Variants in PRDM2 observed in about 807,000 individuals in gnomAD.
The protein encoded by PRDM2 is PR domain zinc finger protein 2.
Under a neutral mutation model 130.0 loss-of-function variants are expected in PRDM2, and 30 were observed. The ratio of observed to expected loss-of-function variants is 0.23; its 90% CI spans 0.17 to 0.31. The LOEUF (loss-of-function observed/expected upper bound fraction) is 0.31. Ranked by LOEUF, PRDM2 falls within the 10% of genes least tolerant of loss-of-function variation. PRDM2 has a pLI of 1.00. For synonymous variants in PRDM2, 871 were observed against 782.4 expected (o/e 1.11, Z -1.89); for missense variants, 2,011 against 2,108.4 (o/e 0.95, Z 0.90).
Position 13,782,221 on chromosome 1 carries a change from T to G in PRDM2, c.4426T>G (p.Phe1476Val). The G allele has an allele frequency of 6.2e-7, 1 of 1,613,674 alleles. No homozygotes were observed. Among genetic ancestry groups the G allele is most frequent in the Non-Finnish European group, 8.5e-7 (1 of 1,179,954 alleles). Residue 1476 changes from phenylalanine to valine, a missense_variant, in exon 8 of 10, where the codon TTC becomes GTC. Phe to Val is a conservative substitution (Grantham distance 50). Around this residue, in one of 5 missense-constraint regions of PRDM2, gnomAD observed 410 missense variants for 395.9 expected, o/e 1.04. Transcript: ENST00000311066. ...TGGAAGCCTGAATAAACACGCCGCC[T>G]TCAGCTGTCCCAAAAAACCCCTTTC... ...YIGSLNKHAAFSCPKKPLSPP... is the reference protein window; with the variant it reads ...YIGSLNKHAAVSCPKKPLSPP...
chr1:13,752,183 GACTC>G (rs903210036), intron 6 of PRDM2, among the ~76,000 whole-genome samples: 1 of 152,204 alleles, frequency 6.6e-6, no homozygotes, highest in Admixed American at 6.5e-5. Flanking sequence ...GATTGGCAAT[GACTC>G]ACACAAATGT....
intron 8 of PRDM2, among the ~76,000 whole-genome samples, chr1:13,789,232 A>T (rs983526243): frequency 6.6e-6 from 1 of 152,210 alleles, no homozygotes; most frequent in African/African-American, 2.4e-5. Context: ...AGCTAATTAG[A>T]GCCTTCCATC....
At chr1:13,705,838 C>T (rs543066990) in intron 1 of PRDM2, among the ~76,000 whole-genome samples, 4 of 151,938 alleles carry the variant, frequency 2.6e-5, no homozygotes, top group East Asian at 1.9e-4. Flanking sequence ...AAAAATTAGC[C>T]GGGTGTGATG....
chr1:13,733,221 C>G (rs1643164291), intron 4 of PRDM2, among the ~76,000 whole-genome samples: 1 of 152,152 alleles, frequency 6.6e-6, no homozygotes, highest in African/African-American at 2.4e-5. Flanking sequence ...AAAAGACACT[C>G]TATGGTGGCT....
At position 13,806,321 on chromosome 1, in the gene PRDM2, T is replaced by C. The variant is rs1256137326; in HGVS notation, c.5037-10106T>C. 6.6e-6 allele frequency among the ~76,000 whole-genome samples: 1 copy of C among 152,030 alleles called. No individual in the cohort carries two copies. The highest frequency in any genetic ancestry group is 6.5e-5 in the Admixed American group (1 of 15,282). ...TCGCTCCGTCTCCGCTCCCCCTTGGTGATCTCATCCAGTCACATGCGTTAA... is the reference window on the plus strand; with the variant it reads ...TCGCTCCGTCTCCGCTCCCCCTTGGCGATCTCATCCAGTCACATGCGTTAA... On this transcript the variant is annotated intron_variant, in intron 8 of 9. Coordinates refer to ENST00000311066, the MANE Select transcript of PRDM2 (RefSeq NM_001393986.1). The surrounding 1 kb of genome is among the most constrained non-coding windows in gnomAD (Gnocchi z 4.1).
At chr1:13,752,250 G>A (rs996915077) in intron 6 of PRDM2, among the ~76,000 whole-genome samples, 1 of 152,214 alleles carries the variant, frequency 6.6e-6, no homozygotes, top group Non-Finnish European at 1.5e-5. Flanking sequence ...TATTGTCTGC[G>A]ACCTTGGAGC....
At chr1:13,705,981 CAAAAAAAAAAA>C (rs61072408) in intron 1 of PRDM2, among the ~76,000 whole-genome samples, 3 of 56,792 alleles carry the variant, frequency 5.3e-5, no homozygotes, top group African/African-American at 1.8e-4. Flanking sequence ...GACTCCGTCT[CAAAAAAAAAAA>C]AAAAAAAAAA....
chr1:13,814,483 A>G (rs570691771), intron 8 of PRDM2, among the ~76,000 whole-genome samples: 1 of 152,244 alleles, frequency 6.6e-6, no homozygotes, highest in East Asian at 1.9e-4. Flanking sequence ...CTGTTGATGC[A>G]TTTGCTTATT....
intron 2 of PRDM2, among the ~76,000 whole-genome samples, chr1:13,718,908 G>T (rs1286589091): frequency 6.6e-6 from 1 of 152,078 alleles, no homozygotes; most frequent in African/African-American, 2.4e-5. Flanking sequence ...CTCAGGAATG[G>T]TTCCATTATC....
intron 8 of PRDM2, among the ~76,000 whole-genome samples, chr1:13,810,465 T>C (rs1463238438): frequency 6.6e-6 from 1 of 151,204 alleles, no homozygotes. Flanking sequence ...CAGCGTGCAC[T>C]GAACGTGAAA....
chr1:13,805,776 A>C (rs1266657344), intron 8 of PRDM2, among the ~76,000 whole-genome samples: 1 of 152,186 alleles, frequency 6.6e-6, no homozygotes, highest in African/African-American at 2.4e-5. Flanking sequence ...TCCCTCCTGA[A>C]GACTGTGAGA....
rs376619105 is a variant in PRDM2 at position 13,815,357 on chromosome 1, C to T, written c.5037-1070C>T. Among the ~76,000 whole-genome samples, 128 of 152,288 alleles carry T rather than the reference C, an allele frequency of 8.4e-4. 1 individual carries two copies. The highest frequency in any genetic ancestry group is 2.6e-3 in the African/African-American group (109 of 41,564). Reference sequence around the variant, plus strand: ...GAACTCCTGACCTCAGGTGATCCACCCGCCTCAGCCTCCCAAAGTGCTGGG... The same window carrying T: ...GAACTCCTGACCTCAGGTGATCCACTCGCCTCAGCCTCCCAAAGTGCTGGG... On this transcript the variant is annotated intron_variant, in intron 8 of 9. Coordinates refer to ENST00000311066, the MANE Select transcript of PRDM2 (RefSeq NM_001393986.1).
At position 13,778,414 on chromosome 1, in the gene PRDM2, C is replaced by T. The variant is rs1351967534; in HGVS notation, c.623-4C>T. 1 of 1,583,064 alleles carries T rather than the reference C, an allele frequency of 6.3e-7. No homozygotes were observed. Among genetic ancestry groups the T allele is most frequent in the Non-Finnish European group, 8.6e-7 (1 of 1,168,106 alleles). ...CCATGCTTCTGCTTCCATGTGCTTT[C>T]TAGGTCCTAAAGAAGACGAAGAGAA... On this transcript the variant is annotated splice_region_variant and splice_polypyrimidine_tract_variant and intron_variant, in intron 7 of 9. Coordinates refer to ENST00000311066, the MANE Select transcript of PRDM2 (RefSeq NM_001393986.1).
chr1:13,801,474 C>T (rs1645005906), intron 8 of PRDM2, among the ~76,000 whole-genome samples: 1 of 152,176 alleles, frequency 6.6e-6, no homozygotes, highest in African/African-American at 2.4e-5. Context: ...GAGACACGCC[C>T]GTTTGGTTTC....
intron 7 of PRDM2, among the ~76,000 whole-genome samples, chr1:13,773,872 A>G (rs1030050642): frequency 1.3e-5 from 2 of 152,184 alleles, no homozygotes; most frequent in Admixed American, 6.5e-5. Flanking sequence ...TCACATGGGT[A>G]TATATATTTA....
intron 1 of PRDM2, among the ~76,000 whole-genome samples, chr1:13,710,021 A>G (rs1642320466): frequency 6.6e-6 from 1 of 152,212 alleles, no homozygotes; most frequent in African/African-American, 2.4e-5. Flanking sequence ...TATTTTCCCA[A>G]TTCTGTCCCT....
chr1:13,703,783 C>T (rs1642132708), intron 1 of PRDM2, among the ~76,000 whole-genome samples: 1 of 152,226 alleles, frequency 6.6e-6, no homozygotes, highest in South Asian at 2.1e-4. Context: ...TCTAGAAAAG[C>T]AACTTGGTCC....
chr1:13,821,329 A>G (rs1645347516), intron 9 of PRDM2, among the ~76,000 whole-genome samples: 1 of 152,150 alleles, frequency 6.6e-6, no homozygotes, highest in Non-Finnish European at 1.5e-5. Flanking sequence ...TAATAATAAT[A>G]GCAGTAGTTA....
chr1:13,702,465 A>C (rs556329302), intron 1 of PRDM2, among the ~76,000 whole-genome samples: 8 of 152,330 alleles, frequency 5.3e-5, no homozygotes, highest in African/African-American at 1.9e-4. Context: ...ACAGTGAAAA[A>C]TATAAATTCT....
Sources: allele counts gnomAD v4.1 joint callset (sites outside exome capture counted in the v4.1 genomes callset), GRCh38; gene constraint gnomAD v4.1.1; regional missense constraint gnomAD v4.1.1; non-coding constraint Gnocchi (gnomAD v3.1); transcripts MANE v1.5; gene names NCBI Gene and HGNC (gene_info 2026-07-23, HGNC 2026-07-21).